Variants in FLRT1 observed in about 807,000 individuals in gnomAD.
FLRT1 encodes leucine-rich repeat transmembrane protein FLRT1.
FLRT1 carries 14 observed loss-of-function variants against 30.9 expected under a neutral mutation model. The observed-to-expected ratio is 0.45, with a 90% confidence interval of 0.30 to 0.71. The LOEUF (loss-of-function observed/expected upper bound fraction) is 0.71, where lower values mean the gene tolerates loss of function less well. FLRT1 is among the 30% of genes least tolerant of loss of function. The probability of loss-of-function intolerance (pLI) is 0.08; values close to 1 mark genes in which losing one functional copy is unlikely to be tolerated. For synonymous variants in FLRT1, 368 were observed against 430.4 expected, an observed-to-expected ratio of 0.85 and a Z score of 1.80; for missense variants, 737 against 949.2, an observed-to-expected ratio of 0.78 and a Z score of 2.94.
At chr11:64,113,666 CATGG>C (rs909249854) in intron 2 of FLRT1, among the ~76,000 whole-genome samples, 1 of 95,238 alleles carries the variant, frequency 1.0e-5, no homozygotes. Context: ...CAGGTGGATG[CATGG>C]ATGGATGGAT....
chr11:64,109,702 G>A (rs1455173730), intron 2 of FLRT1, among the ~76,000 whole-genome samples: 1 of 152,154 alleles, frequency 6.6e-6, no homozygotes, highest in Non-Finnish European at 1.5e-5. Context: ...GGCCCCACAG[G>A]AGGGGATGGT....
Position 64,082,232 on chromosome 11 carries a change from T to A in FLRT1, c.-1037-20962T>A, listed in dbSNP as rs765396834. Among the ~76,000 whole-genome samples, 1 of 152,056 alleles carries A rather than the reference T, an allele frequency of 6.6e-6. No homozygotes were observed. The highest frequency in any genetic ancestry group is 1.9e-4 in the East Asian group (1 of 5,168). Reference sequence around the variant, plus strand: ...TAAATATTGGTGCTCTCGGCAGCACTGGGCCCCTGCTTAGCAGAGGATGGC... The same window carrying A: ...TAAATATTGGTGCTCTCGGCAGCACAGGGCCCCTGCTTAGCAGAGGATGGC... On this transcript the variant is annotated intron_variant, in intron 1 of 2. Coordinates refer to ENST00000682287, the MANE Select transcript of FLRT1 (RefSeq NM_013280.5). This position sits in a 1 kb window ranked among gnomAD's most constrained non-coding sequence, Gnocchi z 4.5.
At chr11:64,092,720 C>T (rs1282673021) in intron 1 of FLRT1, among the ~76,000 whole-genome samples, 1 of 152,224 alleles carries the variant, frequency 6.6e-6, no homozygotes, top group Non-Finnish European at 1.5e-5. Context: ...ATGTCACCAG[C>T]ACCAGGCCCC....
intron 2 of FLRT1, among the ~76,000 whole-genome samples, chr11:64,115,404 A>G (rs770747151): frequency 3.3e-5 from 5 of 150,838 alleles, no homozygotes; most frequent in Non-Finnish European, 4.4e-5. Flanking sequence ...TGAATAGCTG[A>G]AAGTTTATGA....
At chr11:64,063,204 CAGAG>C (rs766477619) in intron 1 of FLRT1, among the ~76,000 whole-genome samples, 6 of 152,088 alleles carry the variant, frequency 3.9e-5, no homozygotes, top group African/African-American at 7.2e-5. Context: ...TTAGGGTACA[CAGAG>C]AGGTCGCTTA....
At chr11:64,080,864 A>G (rs1467889915) in intron 1 of FLRT1, among the ~76,000 whole-genome samples, 8 of 152,180 alleles carry the variant, frequency 5.3e-5, no homozygotes, top group Admixed American at 5.2e-4. Flanking sequence ...CTGAGCAGCC[A>G]TCAGTGGCTG....
intron 1 of FLRT1, among the ~76,000 whole-genome samples, chr11:64,039,578 C>T (rs1162752114): frequency 1.3e-5 from 2 of 152,130 alleles, no homozygotes; most frequent in Non-Finnish European, 2.9e-5. Context: ...CGGGAGGAGA[C>T]GGGAAAAGGA....
At chr11:64,115,013 TC>T (rs1431486146) in intron 2 of FLRT1, among the ~76,000 whole-genome samples, 1 of 152,088 alleles carries the variant, frequency 6.6e-6, no homozygotes, top group East Asian at 1.9e-4. Flanking sequence ...GAAAATAAGG[TC>T]CCTGCTGGCT....
intron 1 of FLRT1, among the ~76,000 whole-genome samples, chr11:64,097,507 G>C (rs1191757501): frequency 6.6e-6 from 1 of 152,260 alleles, no homozygotes; most frequent in African/African-American, 2.4e-5. Flanking sequence ...TTGAGGGTGG[G>C]CGCTGGCAAA....
At chr11:64,105,169 T>G in intron 2 of FLRT1, among the ~76,000 whole-genome samples, 1 of 152,208 alleles carries the variant, frequency 6.6e-6, no homozygotes, top group East Asian at 1.9e-4. Flanking sequence ...ATTATAAAAG[T>G]GCGCCAGCCC....
chr11:64,109,714 G>C (rs1191207582), intron 2 of FLRT1, among the ~76,000 whole-genome samples: 1 of 152,158 alleles, frequency 6.6e-6, no homozygotes, highest in Non-Finnish European at 1.5e-5. Flanking sequence ...GGGGATGGTT[G>C]ATGGCCCCAT....
intron 1 of FLRT1, among the ~76,000 whole-genome samples, chr11:64,043,772 G>A (rs1943533122): frequency 6.6e-6 from 1 of 151,884 alleles, no homozygotes; most frequent in South Asian, 2.1e-4. Flanking sequence ...GCTCAGGCAG[G>A]TAAAGTGATT....
At chr11:64,079,232 G>A (rs1944260724) in intron 1 of FLRT1, among the ~76,000 whole-genome samples, 2 of 152,130 alleles carry the variant, frequency 1.3e-5, no homozygotes, top group African/African-American at 2.4e-5. Context: ...GCCCCTTCCT[G>A]CTCTGGCATG....
At chr11:64,068,266 G>T (rs1321792564) in intron 1 of FLRT1, among the ~76,000 whole-genome samples, 1 of 152,214 alleles carries the variant, frequency 6.6e-6, no homozygotes, top group African/African-American at 2.4e-5. Context: ...AGGCATTGGG[G>T]AGCTGGTGGC....
chr11:64,094,269 A>C (rs971303044), intron 1 of FLRT1, among the ~76,000 whole-genome samples: 7 of 152,166 alleles, frequency 4.6e-5, no homozygotes, highest in Non-Finnish European at 1.0e-4. Flanking sequence ...TCTCTACTAA[A>C]AATACAAAAA....
chr11:64,066,643 GAAAA>G (rs942773480), intron 1 of FLRT1, among the ~76,000 whole-genome samples: 1 of 78,892 alleles, frequency 1.3e-5, no homozygotes, highest in Non-Finnish European at 2.8e-5. Flanking sequence ...TCTTCAAAAA[GAAAA>G]AAAAAAAAAA....
At chr11:64,074,590 C>T (rs1590871797) in intron 1 of FLRT1, among the ~76,000 whole-genome samples, 2 of 152,226 alleles carry the variant, frequency 1.3e-5, no homozygotes, top group East Asian at 1.9e-4. Flanking sequence ...GCAGGCCCTC[C>T]GTGGCAGCCC....
In FLRT1 at chr11:64,096,288, G is replaced by C. The variant is rs1177491320; in HGVS notation, c.-1037-6906G>C. On this transcript the variant is annotated intron_variant, in intron 1 of 2. Transcript: ENST00000682287. The surrounding 1 kb of genome is among the most constrained non-coding windows in gnomAD (Gnocchi z 4.6). The stretch of plus-strand genomic sequence containing the variant: ...TCCTGAAAGAAGAGGTTCCGGCCTT[G>C]GCTGGTGGCGCCAGGTTCATCACCC... 6.6e-6 allele frequency among the ~76,000 whole-genome samples: 1 copy of C among 152,226 alleles called. No individual in the cohort carries two copies. Among genetic ancestry groups the C allele is most frequent in the African/African-American group, 2.4e-5 (1 of 41,468 alleles).
In FLRT1 at chr11:64,116,672, G is replaced by A. The variant is rs1944987963; in HGVS notation, c.405G>A (p.Gln135=). The A allele has an allele frequency of 6.2e-7, 1 of 1,613,854 alleles. No homozygotes were observed. The highest frequency in any genetic ancestry group is 1.1e-5 in the South Asian group (1 of 91,088). The change falls in exon 3 of 3, where the codon CAG becomes CAA. Residue 135 remains glutamine, a synonymous_variant. Transcript: ENST00000682287. ...GCTCCCTCCGGGAGCTGCACCTGCA[G>A]GACAACAATGTGCGCACCATTGCCA... ...LPRSLRELHL[Q]DNNVRTIARD...
Sources: gnomAD v4.1 joint callset for allele counts (sites outside exome capture counted in the v4.1 genomes callset) on GRCh38, gnomAD v4.1.1 for gene constraint, Gnocchi (gnomAD v3.1) non-coding constraint, MANE v1.5 for transcripts, NCBI Gene and HGNC (gene_info 2026-07-23, HGNC 2026-07-21) for gene names.